The following FCRL3 variants were observed in gnomAD, a reference collection of about 807,000 sequenced individuals.
FCRL3 encodes Fc receptor-like protein 3.
In FCRL3, 89 loss-of-function variants were observed where a neutral mutation model predicts 75.0. The observed-to-expected ratio is 1.19, with a 90% confidence interval of 1.00 to 1.42. FCRL3 has a LOEUF of 1.42. FCRL3 is among the 40% of genes most tolerant of loss of function. The probability of loss-of-function intolerance (pLI) is 0.00; values close to 1 mark genes in which losing one functional copy is unlikely to be tolerated. For synonymous variants in FCRL3, 376 were observed against 348.5 expected, an observed-to-expected ratio of 1.08 and a Z score of -0.88; for missense variants, 946 against 880.0, an observed-to-expected ratio of 1.07 and a Z score of -0.95.
intron 6 of FCRL3, 39 bp downstream of exon 6, chr1:157,697,101 C>T (rs1308410663): frequency 7.1e-7 from 1 of 1,398,746 alleles, no homozygotes; most frequent in African/African-American, 1.5e-5. Flanking sequence ...TTCCTCTCCC[C>T]AGCTCTGACT....
Position 157,677,110 on chromosome 1 carries a change from G to A in FCRL3, c.*1600C>T, listed in dbSNP as rs1026057284. 3.3e-5 allele frequency: 36 copies of A among 1,082,130 alleles called. No individual in the cohort carries two copies. Among genetic ancestry groups the A allele is most frequent in the East Asian group, 3.2e-4 (5 of 15,802 alleles). 67.0% of individuals were successfully genotyped at this position (1,082,130 alleles called of 1,614,324 possible). A position where few individuals can be genotyped will look rare whatever the true frequency, so the allele number is the denominator to read the frequency against. ...CCTGCACTCAAAGGCCAGGATAAGG[G>A]TAACAGAGGCCAGTGGGAGCAGTGT... On this transcript the variant is annotated 3_prime_UTR_variant, in exon 15 of 15. Coordinates refer to ENST00000368184, the MANE Select transcript of FCRL3 (RefSeq NM_052939.4).
chr1:157,685,103 A>AT (rs1441306567), intron 10 of FCRL3, among the ~76,000 whole-genome samples: 3 of 151,992 alleles, frequency 2.0e-5, no homozygotes. Context: ...ATGTGAAATG[A>AT]TTGTCAGTTT....
At chr1:157,698,814 T>G (rs1441682150) in intron 3 of FCRL3, among the ~76,000 whole-genome samples, 185 bp from the exon 4 acceptor site, 3 of 152,202 alleles carry the variant, frequency 2.0e-5, no homozygotes, top group Non-Finnish European at 2.9e-5. Flanking sequence ...CTCATCCATT[T>G]CCTGGAGGTG....
chr1:157,690,274 C>T lies in FCRL3; in HGVS notation c.1671G>A (p.Val557=). Residue 557 remains valine (V), a synonymous_variant, in exon 9 of 15, where the codon GTG becomes GTA. Coordinates refer to ENST00000368184, the MANE Select transcript of FCRL3 (RefSeq NM_052939.4). ...DNGLGAQHSK[V]VTLNVTGTSR... is the part of the protein sequence containing the mutation. ...ACACACCTGTAACATTGAGTGTCACCACTTTACTGTGCTGGGCCCCCAGGC... is the reference window on the plus strand; with the variant it reads ...ACACACCTGTAACATTGAGTGTCACTACTTTACTGTGCTGGGCCCCCAGGC... The T allele has an allele frequency of 6.2e-7, 1 of 1,614,232 alleles. No individual in the cohort carries two copies. The highest frequency in any genetic ancestry group is 8.5e-7 in the Non-Finnish European group (1 of 1,180,048).
intron 10 of FCRL3, among the ~76,000 whole-genome samples, chr1:157,687,599 G>A (rs922649772): frequency 2.7e-5 from 4 of 149,238 alleles, no homozygotes; most frequent in East Asian, 2.0e-4. Flanking sequence ...GGAATACTAC[G>A]CAGACATAAA....
chr1:157,689,967 C>T (rs766562487), intron 9 of FCRL3, 50 bp from the exon 10 acceptor site: 11 of 1,606,132 alleles, frequency 6.8e-6, no homozygotes, highest in Middle Eastern at 1.7e-4. Flanking sequence ...GTTTTGGATA[C>T]AGACAAAATC....
At chr1:157,698,692 G>A in intron 3 of FCRL3, 63 bp from the exon 4 acceptor site, 1 of 1,564,360 alleles carries the variant, frequency 6.4e-7, no homozygotes, top group East Asian at 2.2e-5. Context: ...ACAGCACATG[G>A]GGAGCCCAAC....
chr1:157,678,594 C>T lies in FCRL3; in HGVS notation c.*116G>A. 1 of 1,538,630 alleles carries T rather than the reference C, an allele frequency of 6.5e-7. No homozygotes were observed. Among genetic ancestry groups the T allele is most frequent in the Non-Finnish European group, 8.7e-7 (1 of 1,152,210 alleles). ...CAGACCTTTTGCTCAGCCTCACATA[C>T]CCTGCAGCCCAGCCTCGTAGGAGGC... On this transcript the variant is annotated 3_prime_UTR_variant, in exon 15 of 15. Coordinates refer to ENST00000368184, the MANE Select transcript of FCRL3 (RefSeq NM_052939.4).
At chr1:157,684,193 C>A (rs1188890795) in intron 10 of FCRL3, among the ~76,000 whole-genome samples, 1 of 152,182 alleles carries the variant, frequency 6.6e-6, no homozygotes, top group East Asian at 1.9e-4. Flanking sequence ...TGGCAAGTTT[C>A]CGTCATCACC....
In FCRL3 at chr1:157,677,604, C is replaced by T. The variant is rs1415865484; in HGVS notation, c.*1106G>A. ...TGGAAAGAGTTTTTGATGGTGATAG[C>T]TAGGAAAACATTAAGCCAGATATTT... On this transcript the variant is annotated 3_prime_UTR_variant, in exon 15 of 15. Coordinates refer to ENST00000368184, the MANE Select transcript of FCRL3 (RefSeq NM_052939.4). 2.0e-6 allele frequency: 2 copies of T among 985,096 alleles called. No individual in the cohort carries two copies. Among genetic ancestry groups the T allele is most frequent in the Non-Finnish European group, 2.4e-6 (2 of 829,786 alleles). The allele number at this position is 985,096 out of a possible 1,614,324, so 61.0% of individuals were successfully genotyped here.
rs937210204 is a variant in FCRL3, at chr1:157,700,691, C to T, written c.-126G>A. 2.1e-5 allele frequency: 30 copies of T among 1,439,138 alleles called. No individual in the cohort carries two copies. Among genetic ancestry groups the T allele is most frequent in the South Asian group, 3.0e-5 (2 of 65,728 alleles). 89.1% of individuals were successfully genotyped at this position (1,439,138 alleles called of 1,614,324 possible). A position where few individuals can be genotyped will look rare whatever the true frequency, so the allele number is the denominator to read the frequency against. On this transcript the variant is annotated 5_prime_UTR_variant, in exon 1 of 15. Transcript: ENST00000368184. ...CTAAATGCTGTTTGTATCTCAATCCCGGTAGTGATACATTTTTAGAAGTTG... is the reference window on the plus strand; with the variant it reads ...CTAAATGCTGTTTGTATCTCAATCCTGGTAGTGATACATTTTTAGAAGTTG...
Position 157,678,636 on chromosome 1 carries a change from G to T in FCRL3, c.*74C>A. 1 of 1,591,810 alleles carries T rather than the reference G, an allele frequency of 6.3e-7. No individual in the cohort carries two copies. The highest frequency in any genetic ancestry group is 1.1e-5 in the South Asian group (1 of 88,280). On this transcript the variant is annotated 3_prime_UTR_variant, in exon 15 of 15. Coordinates refer to ENST00000368184, the MANE Select transcript of FCRL3 (RefSeq NM_052939.4). ...GTAGGAGGCAGAGTCTGGAGAGATG[G>T]ATGATGTGTGGTTGGAGAGAACAGA...
chr1:157,700,755 T>C lies in FCRL3; in HGVS notation c.-190A>G. On this transcript the variant is annotated 5_prime_UTR_variant, in exon 1 of 15. Transcript: ENST00000368184. ...ATCAGCTGCAGTCTCTCAGGAGTAA[T>C]GTCTCCAAGACTGTGCCTGGGTTCT... is the stretch of plus-strand genomic sequence containing the variant. 2.9e-6 allele frequency: 4 copies of C among 1,379,782 alleles called. No homozygotes were observed. The South Asian group carries it at 6.5e-5, about 22-fold the overall frequency. 85.5% of individuals were successfully genotyped at this position (1,379,782 alleles called of 1,614,324 possible). A position where few individuals can be genotyped will look rare whatever the true frequency, so the allele number is the denominator to read the frequency against.
rs1219951307 is a variant in FCRL3, at chr1:157,678,591, A to G, written c.*119T>C. 1.0e-5 allele frequency: 16 copies of G among 1,536,512 alleles called. No homozygotes were observed. The highest frequency in any genetic ancestry group is 1.4e-5 in the Non-Finnish European group (16 of 1,151,412). ...TTGCAGACCTTTTGCTCAGCCTCAC[A>G]TACCCTGCAGCCCAGCCTCGTAGGA... On this transcript the variant is annotated 3_prime_UTR_variant, in exon 15 of 15. Coordinates refer to ENST00000368184, the MANE Select transcript of FCRL3 (RefSeq NM_052939.4).
chr1:157,690,561 A>G, intron 8 of FCRL3, 28 bp from the exon 9 acceptor site: 1 of 1,610,318 alleles, frequency 6.2e-7, no homozygotes, highest in Non-Finnish European at 8.5e-7. Context: ...GTTCACTGGC[A>G]GTTTTACTTA....
intron 2 of FCRL3, 74 bp from the exon 3 acceptor site, chr1:157,699,786 T>C: frequency 6.5e-7 from 1 of 1,532,072 alleles, no homozygotes; most frequent in Non-Finnish European, 9.0e-7. Context: ...AACCACTTCT[T>C]TTGTTTTTCC....
At chr1:157,683,110 AAAATGCTACTAGG>A in intron 11 of FCRL3, 94 bp downstream of exon 11, 1 of 1,288,524 alleles carries the variant, frequency 7.8e-7, no homozygotes, top group South Asian at 1.4e-5. Context: ...TAAGAACGTA[AAAATGCTACTAGG>A]AAATCCATTG....
chr1:157,679,095 C>T, intron 13 of FCRL3, 122 bp from the exon 14 acceptor site: 1 of 1,112,978 alleles, frequency 9.0e-7, no homozygotes, highest in Non-Finnish European at 1.3e-6. Flanking sequence ...GCTGTTTCCT[C>T]TGCTGGATTC....
chr1:157,699,424 T>C (rs1005626782), intron 3 of FCRL3, among the ~76,000 whole-genome samples: 1 of 151,958 alleles, frequency 6.6e-6, no homozygotes, highest in African/African-American at 2.4e-5. Flanking sequence ...GATTCCTTCA[T>C]CATCAGCCTC....
Sources: allele counts gnomAD v4.1 joint callset (sites outside exome capture counted in the v4.1 genomes callset), GRCh38; gene constraint gnomAD v4.1.1; transcripts MANE v1.5; gene names NCBI Gene and HGNC (gene_info 2026-07-23, HGNC 2026-07-21).